The following TBC1D5 variants were observed in gnomAD, a reference collection of about 807,000 sequenced individuals.
TBC1D5 encodes the protein TBC1 domain family member 5, also known as TBC1 domain family, member 5.
Under a neutral mutation model 100.3 loss-of-function variants are expected in TBC1D5, and 75 were observed. That is an observed-to-expected ratio of 0.75 (90% CI 0.62 to 0.91). TBC1D5 has a LOEUF of 0.91. TBC1D5 is among the 40% of genes least tolerant of loss of function. The pLI, the probability that TBC1D5 is intolerant of heterozygous loss-of-function variation, is 0.00. For missense variants in TBC1D5, 910 were observed against 942.4 expected, an observed-to-expected ratio of 0.97 and a Z score of 0.45; for synonymous variants, 323 against 325.6, an observed-to-expected ratio of 0.99 and a Z score of 0.09.
chr3:17,386,563 A>G lies in TBC1D5; in HGVS notation c.510-2548T>C, dbSNP rs114248759. 4.8e-3 allele frequency among the ~76,000 whole-genome samples: 733 copies of G among 152,224 alleles called. 7 individuals carry two copies. The highest frequency in any genetic ancestry group is 0.017 in the African/African-American group (704 of 41,552). On this transcript the variant is annotated intron_variant, in intron 8 of 21. Transcript: ENST00000253692. Reference sequence around the variant, plus strand: ...ACCACAGCTTACACGTCTGCCAATCATTGAGTTTTGGCCAATCAAATGTAG... The same window carrying G: ...ACCACAGCTTACACGTCTGCCAATCGTTGAGTTTTGGCCAATCAAATGTAG...
chr3:17,483,954 T>C (rs1487168882), intron 3 of TBC1D5, among the ~76,000 whole-genome samples: 2 of 152,198 alleles, frequency 1.3e-5, no homozygotes, highest in Non-Finnish European at 2.9e-5. Context: ...AGCCTGGACA[T>C]GATAACTTTA....
chr3:17,263,100 A>C (rs1354289883), intron 15 of TBC1D5, among the ~76,000 whole-genome samples: 2 of 151,186 alleles, frequency 1.3e-5, no homozygotes, highest in Non-Finnish European at 2.9e-5. Flanking sequence ...ATGGTGGTAC[A>C]TGCTGCTGAG....
At chr3:17,527,319 G>C (rs2096150611) in intron 2 of TBC1D5, among the ~76,000 whole-genome samples, 1 of 152,154 alleles carries the variant, frequency 6.6e-6, no homozygotes, top group Admixed American at 6.5e-5. Context: ...AGAAGAGCAT[G>C]CTGCGAACAG....
At chr3:17,305,718 T>C (rs984070681) in intron 14 of TBC1D5, among the ~76,000 whole-genome samples, 7 of 152,220 alleles carry the variant, frequency 4.6e-5, no homozygotes, top group African/African-American at 1.4e-4. Flanking sequence ...CAGTCACTCA[T>C]ACCTCCAAGC....
chr3:17,454,165 T>C (rs1381531878), intron 3 of TBC1D5, among the ~76,000 whole-genome samples: 2 of 152,144 alleles, frequency 1.3e-5, no homozygotes, highest in East Asian at 3.9e-4. Context: ...GCCAGTATCA[T>C]ACTGAATGAA....
chr3:17,218,994 T>G (rs2073975469), intron 17 of TBC1D5, among the ~76,000 whole-genome samples: 1 of 151,922 alleles, frequency 6.6e-6, no homozygotes, highest in African/African-American at 2.4e-5. Flanking sequence ...CTATTCCATC[T>G]GCCCCTCTCT....
chr3:17,166,376 G>A (rs1170295148), intron 21 of TBC1D5, among the ~76,000 whole-genome samples: 1 of 152,168 alleles, frequency 6.6e-6, no homozygotes, highest in Admixed American at 6.5e-5. Flanking sequence ...AAATCCACTC[G>A]AGACAGCATT....
chr3:17,285,131 T>C (rs1438706875), intron 15 of TBC1D5, among the ~76,000 whole-genome samples: 1 of 151,400 alleles, frequency 6.6e-6, no homozygotes, highest in Non-Finnish European at 1.5e-5. Context: ...CACAAAAAAT[T>C]GGATTAGTAA....
intron 14 of TBC1D5, among the ~76,000 whole-genome samples, chr3:17,297,244 T>G (rs926520044): frequency 1.9e-4 from 29 of 152,314 alleles, no homozygotes; most frequent in African/African-American, 6.0e-4. Flanking sequence ...TCTAACTCCT[T>G]ATCGACTGAG....
intron 15 of TBC1D5, among the ~76,000 whole-genome samples, chr3:17,289,263 T>C (rs2081474474): frequency 6.6e-6 from 1 of 152,104 alleles, no homozygotes; most frequent in East Asian, 1.9e-4. Flanking sequence ...AGCCACAGGA[T>C]CCGGGCTGGT....
chr3:17,601,018 C>T (rs117163706), intron 2 of TBC1D5, among the ~76,000 whole-genome samples: 2,523 of 152,276 alleles, frequency 0.017, 51 homozygotes, highest in South Asian at 0.048. Flanking sequence ...GAATAATAGC[C>T]TTCCCAGTCC....
intron 16 of TBC1D5, among the ~76,000 whole-genome samples, chr3:17,248,380 T>C (rs997486003): frequency 6.6e-6 from 1 of 152,238 alleles, no homozygotes; most frequent in Non-Finnish European, 1.5e-5. Flanking sequence ...TTAATGTTGA[T>C]ATTTTGACAT....
At chr3:17,612,277 G>A (rs1385376295) in intron 2 of TBC1D5, among the ~76,000 whole-genome samples, 1 of 148,236 alleles carries the variant, frequency 6.7e-6, no homozygotes, top group East Asian at 2.0e-4. Flanking sequence ...TCCAGCCTGG[G>A]TGACAGACTA....
intron 3 of TBC1D5, among the ~76,000 whole-genome samples, chr3:17,490,669 CTA>C (rs2095628839): frequency 6.6e-6 from 1 of 152,098 alleles, no homozygotes; most frequent in East Asian, 1.9e-4. Context: ...TTCCATTGGT[CTA>C]TGTATCTGGT....
chr3:17,316,810 G>A (rs1193057597), intron 13 of TBC1D5, among the ~76,000 whole-genome samples: 3 of 152,138 alleles, frequency 2.0e-5, no homozygotes, highest in Non-Finnish European at 4.4e-5. Flanking sequence ...GAGGTTGGGG[G>A]AGATGAACTT....
chr3:17,562,841 C>CT (rs1321946632), intron 2 of TBC1D5, among the ~76,000 whole-genome samples: 1 of 152,186 alleles, frequency 6.6e-6, no homozygotes, highest in African/African-American at 2.4e-5. Context: ...TCCAAAGGGA[C>CT]TGTGAGACAG....
At chr3:17,307,866 T>TACC in intron 14 of TBC1D5, 126 bp downstream of exon 14, 1 of 1,203,432 alleles carries the variant, frequency 8.3e-7, no homozygotes, top group Non-Finnish European at 1.2e-6. Context: ...TTCAGTATAT[T>TACC]ACCCTACTAC....
chr3:17,242,666 G>C (rs2076399058), intron 16 of TBC1D5, among the ~76,000 whole-genome samples: 1 of 151,692 alleles, frequency 6.6e-6, no homozygotes. Context: ...TTGTTATTTA[G>C]GTACAATTAA....
At chr3:17,559,714 C>T (rs540833794) in intron 2 of TBC1D5, among the ~76,000 whole-genome samples, 24 of 151,968 alleles carry the variant, frequency 1.6e-4, no homozygotes, top group African/African-American at 5.5e-4. Context: ...CTCAGCCTCC[C>T]GAGTAGCTGG....
Sources: allele counts gnomAD v4.1 joint callset (sites outside exome capture counted in the v4.1 genomes callset), GRCh38; gene constraint gnomAD v4.1.1; transcripts MANE v1.5; gene names NCBI Gene and HGNC (gene_info 2026-07-23, HGNC 2026-07-21).